The following MYO18A variants were observed in gnomAD, a reference collection of about 807,000 sequenced individuals.
MYO18A encodes the protein unconventional myosin-XVIIIa.
In MYO18A, 78 loss-of-function variants were observed where a neutral mutation model predicts 235.8. The ratio of observed to expected loss-of-function variants is 0.33; its 90% CI spans 0.28 to 0.40. The LOEUF (loss-of-function observed/expected upper bound fraction) is 0.40. MYO18A is among the 10% of genes least tolerant of loss of function. The pLI is 1.00. For synonymous variants in MYO18A, 977 were observed against 1,077.8 expected, an observed-to-expected ratio of 0.91 and a Z score of 1.83; for missense variants, 2,215 against 2,699.3, an observed-to-expected ratio of 0.82 and a Z score of 3.98.
intron 2 of MYO18A, among the ~76,000 whole-genome samples, chr17:29,153,397 C>T (rs2067997967): frequency 6.6e-6 from 1 of 152,234 alleles, no homozygotes; most frequent in African/African-American, 2.4e-5. Flanking sequence ...CCTGCCTCAA[C>T]CTTCCAAAGT....
At position 29,072,201 on chromosome 17, in the gene MYO18A, CCTTTTT is replaced by C. The variant is rs1249665420; in HGVS notation, c.*2563_*2568del. ...GACAGAACTGAACATAAGCTAGCAG[CCTTTTT>C]TTTTTTTTTTTTTTTTTTGTAAAAA... On this transcript the variant is annotated 3_prime_UTR_variant, in exon 42 of 42. Coordinates refer to ENST00000527372, the MANE Select transcript of MYO18A (RefSeq NM_078471.4). 1 of 105,020 alleles carries C rather than the reference CCTTTTT, an allele frequency of 9.5e-6. No individual in the cohort carries two copies. Among genetic ancestry groups the C allele is most frequent in the Non-Finnish European group, 1.8e-5 (1 of 56,074 alleles). The allele number at this position is 105,020 out of a possible 1,614,324, so 6.5% of individuals were successfully genotyped here. A position where few individuals can be genotyped will look rare whatever the true frequency, so the allele number is the denominator to read the frequency against.
At position 29,121,485 on chromosome 17, in the gene MYO18A, G is replaced by A. The variant is rs936159167; in HGVS notation, c.1371+62C>T. ...CCCAGTGGGGTGCCACAGGGGAAGG[G>A]CAGAGAGCCAGGGCAGGGGGTGGGA... On this transcript the variant is annotated intron_variant, in intron 5 of 41. Transcript: ENST00000527372. The surrounding 1 kb of genome is among the most constrained non-coding windows in gnomAD (Gnocchi z 4.2). 1.3e-5 allele frequency: 19 copies of A among 1,492,798 alleles called. No homozygotes were observed. In the African/African-American group the frequency reaches 2.0e-4, roughly 15 times the overall value. The allele number at this position is 1,492,798 out of a possible 1,614,324, so 92.5% of individuals were successfully genotyped here.
intron 2 of MYO18A, among the ~76,000 whole-genome samples, chr17:29,143,847 G>A (rs560242385): frequency 1.3e-5 from 2 of 152,256 alleles, no homozygotes; most frequent in Admixed American, 1.3e-4. Flanking sequence ...GATGACTCCT[G>A]ACTTCCTGGC....
rs769470142 is a variant in MYO18A, at chr17:29,166,784, T to C, written c.157A>G (p.Lys53Glu). ...TCCAGGCGCGTCTTGGATTCACGCT[T>C]GGAGGAGCGGTTCAGGTTGAAGAAG... is the stretch of plus-strand genomic sequence containing the variant. ...RGFFNLNRSSKRESKTRLEIS... is the reference protein window; with the variant it reads ...RGFFNLNRSSERESKTRLEIS... The change falls in exon 2 of 42, where the codon AAG (lysine) becomes GAG (glutamate). Residue 53 changes from lysine to glutamate, a missense_variant. Lys to Glu is a moderately conservative substitution (Grantham distance 56). Transcript: ENST00000527372. The C allele has an allele frequency of 9.9e-6, 16 of 1,612,090 alleles. No homozygotes were observed. The Admixed American group carries it at 2.7e-4, about 27-fold the overall frequency.
In MYO18A at chr17:29,180,206, G is replaced by C. The variant is rs970902452; in HGVS notation, c.-82+107C>G. On this transcript the variant is annotated intron_variant, in intron 1 of 41. Coordinates refer to ENST00000527372, the MANE Select transcript of MYO18A (RefSeq NM_078471.4). The surrounding 1 kb of genome is among the most constrained non-coding windows in gnomAD (Gnocchi z 6.1). ...GGACGGGGGAGGAGGAGGAGGAGCC[G>C]GCGGGCCCCGCCGCCCGCCCGCCCT... is the stretch of plus-strand genomic sequence containing the variant. The C allele has an allele frequency of 1.3e-5, 2 of 150,422 alleles. No individual in the cohort carries two copies. The highest frequency in any genetic ancestry group is 3.0e-5 in the Non-Finnish European group (2 of 67,138). The allele number at this position is 150,422 out of a possible 1,614,324, so 9.3% of individuals were successfully genotyped here. A position where few individuals can be genotyped will look rare whatever the true frequency, so the allele number is the denominator to read the frequency against.
At chr17:29,137,404 G>C (rs1018926500) in intron 2 of MYO18A, among the ~76,000 whole-genome samples, 1 of 152,296 alleles carries the variant, frequency 6.6e-6, no homozygotes, top group East Asian at 1.9e-4. Flanking sequence ...TACAAACAAG[G>C]GAGGTATAAT....
rs57491599 is a variant in MYO18A, at chr17:29,083,532, G to GCACACACA, written c.5898-1102_5898-1095dup. On this transcript the variant is annotated intron_variant, in intron 40 of 41. Transcript: ENST00000527372. The stretch of plus-strand genomic sequence containing the variant: ...CACACAGGCATGTGTGCGCGCGCGC[G>GCACACACA]CACACACACACACACACACACACAC... Among the ~76,000 whole-genome samples, 457 of 144,742 alleles carry GCACACACA rather than the reference G, an allele frequency of 3.2e-3. 4 individuals carry two copies. Among genetic ancestry groups the GCACACACA allele is most frequent in the African/African-American group, 4.7e-3 (184 of 39,180 alleles). The allele number at this position is 144,742 out of a possible 152,430, so 95.0% of individuals were successfully genotyped here.
Position 29,115,293 on chromosome 17 carries a change from G to C in MYO18A, c.2318+58C>G, listed in dbSNP as rs1038824747. ...TCTGCCTCGGCCAACAAGGCATGAAGGCATCTACTCCACCTCTGCCAAAGC... is the reference window on the plus strand; with the variant it reads ...TCTGCCTCGGCCAACAAGGCATGAACGCATCTACTCCACCTCTGCCAAAGC... On this transcript the variant is annotated intron_variant, in intron 13 of 41. Transcript: ENST00000527372. The C allele has an allele frequency of 3.2e-6, 5 of 1,583,072 alleles. No individual in the cohort carries two copies. The African/African-American group carries it at 5.4e-5, about 17-fold the overall frequency.
chr17:29,148,027 A>G (rs1421173365), intron 2 of MYO18A, among the ~76,000 whole-genome samples: 6 of 151,932 alleles, frequency 3.9e-5, no homozygotes, highest in Non-Finnish European at 8.8e-5. Flanking sequence ...CTTGGTGACT[A>G]TTTGGGGAAG....
At chr17:29,087,240 T>C (rs994165051) in intron 37 of MYO18A, 119 bp from the exon 38 acceptor site, 24 of 1,072,500 alleles carry the variant, frequency 2.2e-5, no homozygotes, top group Admixed American at 2.2e-4. Flanking sequence ...CCACCGTTCA[T>C]TGGCTACCTG....
In MYO18A at chr17:29,094,040, A is replaced by C. The variant is rs1414877248; in HGVS notation, c.4761T>G (p.Ser1587=). 6.2e-7 allele frequency: 1 copy of C among 1,612,336 alleles called. No individual in the cohort carries two copies. Among genetic ancestry groups the C allele is most frequent in the Non-Finnish European group, 8.5e-7 (1 of 1,179,428 alleles). Residue 1587 remains serine (S), a synonymous_variant, in exon 31 of 42, where the codon TCT becomes TCG. Transcript: ENST00000527372. ...CCTCATCCCGACTCTCCATCTCCTT[A>C]GAATGGGTCTGTCTCATCCGCTCCA... The part of the protein sequence containing the change: ...MEMERMRQTH[S]KEMESRDEEV...
intron 2 of MYO18A, among the ~76,000 whole-genome samples, chr17:29,143,993 A>G (rs945301596): frequency 6.6e-6 from 1 of 152,160 alleles, no homozygotes; most frequent in African/African-American, 2.4e-5. Flanking sequence ...TTGTGGCCAT[A>G]TGTCTGCTTT....
chr17:29,148,564 G>C (rs932200708), intron 2 of MYO18A, among the ~76,000 whole-genome samples: 1 of 148,746 alleles, frequency 6.7e-6, no homozygotes, highest in South Asian at 2.2e-4. Flanking sequence ...TTCTTGGGAG[G>C]AATTATCCTT....
At chr17:29,133,712 C>T (rs2067529150) in intron 2 of MYO18A, 5 of 1,024,344 alleles carry the variant, frequency 4.9e-6, no homozygotes, top group Non-Finnish European at 6.7e-6. Flanking sequence ...TTCCAAAGCT[C>T]CCTCTCCCAC....
intron 2 of MYO18A, among the ~76,000 whole-genome samples, chr17:29,144,817 G>A (rs962489754): frequency 6.6e-6 from 1 of 152,176 alleles, no homozygotes; most frequent in African/African-American, 2.4e-5. Context: ...CACACACTAT[G>A]TGGGGTTAGA....
rs1323935141 is a variant in MYO18A at position 29,158,502 on chromosome 17, G to A, written c.999+7440C>T. ...CAGAGGTGGGGGCCCTGAAAACTCC[G>A]CTCTTTCGCAGTGGCTGTCTGGCAT... On this transcript the variant is annotated intron_variant, in intron 2 of 41. Transcript: ENST00000527372. This position sits in a 1 kb window ranked among gnomAD's most constrained non-coding sequence, Gnocchi z 4.3. Among the ~76,000 whole-genome samples the A allele has an allele frequency of 6.6e-6, 1 of 152,182 alleles. No individual in the cohort carries two copies. Among genetic ancestry groups the A allele is most frequent in the African/African-American group, 2.4e-5 (1 of 41,444 alleles).
chr17:29,129,079 C>T, intron 2 of MYO18A: 2 of 1,289,384 alleles, frequency 1.6e-6, no homozygotes, highest in Non-Finnish European at 2.0e-6. Flanking sequence ...GTCCTTCCAT[C>T]ACCTGTTTTC....
At chr17:29,165,021 G>A (rs1054576660) in intron 2 of MYO18A, among the ~76,000 whole-genome samples, 4 of 152,100 alleles carry the variant, frequency 2.6e-5, no homozygotes, top group East Asian at 1.9e-4. Context: ...CCCCTGCTTC[G>A]AACCCTTCAA....
chr17:29,080,949 G>A (rs982108420), intron 41 of MYO18A: 1 of 985,376 alleles, frequency 1.0e-6, no homozygotes, highest in Admixed American at 6.1e-5. Flanking sequence ...AGCTCAGGGA[G>A]CTCACCACCG....
Sources: allele counts gnomAD v4.1 joint callset (sites outside exome capture counted in the v4.1 genomes callset), GRCh38; gene constraint gnomAD v4.1.1; non-coding constraint Gnocchi (gnomAD v3.1); transcripts MANE v1.5; gene names NCBI Gene and HGNC (gene_info 2026-07-23, HGNC 2026-07-21).